The following TCF7L2 variants were observed in gnomAD, a reference collection of about 807,000 sequenced individuals.
TCF7L2 encodes the protein transcription factor 7-like 2.
Under a neutral mutation model 77.9 loss-of-function variants are expected in TCF7L2, and 23 were observed. That is an observed-to-expected ratio of 0.30 (90% CI 0.21 to 0.42). The LOEUF is 0.42. Ranked by LOEUF, TCF7L2 falls within the 10% of genes least tolerant of loss-of-function variation. The pLI is 1.00. For synonymous variants in TCF7L2, 413 were observed against 340.2 expected (o/e 1.21, Z -2.36); for missense variants, 654 against 793.1 (o/e 0.82, Z 2.11).
At chr10:113,068,563 A>G (rs2057546431) in intron 5 of TCF7L2, among the ~76,000 whole-genome samples, 1 of 152,158 alleles carries the variant, frequency 6.6e-6, no homozygotes, top group African/African-American at 2.4e-5. Flanking sequence ...CAGAATTCAC[A>G]GCACCAGAGT....
At chr10:112,998,844 T>C (rs1314060525) in intron 4 of TCF7L2, among the ~76,000 whole-genome samples, 3 of 152,216 alleles carry the variant, frequency 2.0e-5, no homozygotes, top group African/African-American at 7.2e-5. Context: ...TGTAATGCTT[T>C]TGCATGTCTT....
At position 112,950,505 on chromosome 10, in the gene TCF7L2, A is replaced by G; in HGVS notation, c.-252A>G. 1 of 327,424 alleles carries G rather than the reference A, an allele frequency of 3.1e-6. No homozygotes were observed. Among genetic ancestry groups the G allele is most frequent in the Non-Finnish European group, 5.3e-6 (1 of 188,996 alleles). The allele number at this position is 327,424 out of a possible 1,614,324, so 20.3% of individuals were successfully genotyped here. On this transcript the variant is annotated 5_prime_UTR_variant, in exon 1 of 14. Coordinates refer to ENST00000627217, the MANE Select transcript of TCF7L2 (RefSeq NM_001146274.2). ...TATTATTTTTTTGCACATTGATCGG[A>G]TCCTTGGGAACGAGAGAAAAAAGAA...
At chr10:113,139,209 A>G (rs1374280234) in intron 5 of TCF7L2, among the ~76,000 whole-genome samples, 4 of 152,218 alleles carry the variant, frequency 2.6e-5, no homozygotes, top group Admixed American at 6.5e-5. Flanking sequence ...GAAGGCAGCA[A>G]CAGTCATTTG....
At chr10:113,045,662 G>A (rs1023832531) in intron 5 of TCF7L2, among the ~76,000 whole-genome samples, 4 of 152,166 alleles carry the variant, frequency 2.6e-5, no homozygotes, top group Admixed American at 6.5e-5. Flanking sequence ...GAGGGCCAGC[G>A]TATTTTCTGC....
intron 3 of TCF7L2, among the ~76,000 whole-genome samples, chr10:112,962,902 G>A (rs570275685): frequency 7.9e-5 from 12 of 152,260 alleles, no homozygotes; most frequent in African/African-American, 1.2e-4. Flanking sequence ...CCCTGCCAGC[G>A]GTTCACTTCA....
chr10:113,129,113 C>T (rs2066137974), intron 5 of TCF7L2: 2 of 163,242 alleles, frequency 1.2e-5, no homozygotes, highest in South Asian at 3.9e-4. Context: ...CATTCTGTTA[C>T]TCTGGAAGGA....
intron 5 of TCF7L2, among the ~76,000 whole-genome samples, chr10:113,085,305 A>G (rs144806148): frequency 0.011 from 1,615 of 151,772 alleles, 29 homozygotes; most frequent in African/African-American, 0.037. Flanking sequence ...CTTGAGCTCA[A>G]GCAGTCCTCC....
At chr10:112,987,944 C>T (rs1039537376) in intron 4 of TCF7L2, 28 of 146,700 alleles carry the variant, frequency 1.9e-4, no homozygotes, top group African/African-American at 6.8e-4. Flanking sequence ...GGAAAAAAAA[C>T]GCACCAGAGA....
intron 5 of TCF7L2, among the ~76,000 whole-genome samples, chr10:113,117,459 T>A (rs148058454): frequency 2.9e-5 from 3 of 104,106 alleles, no homozygotes; most frequent in Admixed American, 1.3e-4. Context: ...CTCTCTCTCT[T>A]CTCCCCCCAA....
intron 4 of TCF7L2, among the ~76,000 whole-genome samples, chr10:112,974,732 C>T (rs1034055437): frequency 4.6e-5 from 7 of 152,142 alleles, no homozygotes; most frequent in African/African-American, 9.7e-5. Context: ...CATGAACCAC[C>T]GCGCCCGGCT....
rs762968292 is a variant in TCF7L2 at position 112,951,601 on chromosome 10, C to T, written c.375C>T (p.Ala125=). The change falls in exon 3 of 14, where the codon GCC becomes GCT. Residue 125 remains alanine, a synonymous_variant. Transcript: ENST00000627217. ...CCAACGGATCGCTCTCGCCCACCGCCCGAACCGTAAGTGCCTCCGCGCCCG... is the reference window on the plus strand; with the variant it reads ...CCAACGGATCGCTCTCGCCCACCGCTCGAACCGTAAGTGCCTCCGCGCCCG... The T allele has an allele frequency of 2.3e-6, 3 of 1,312,228 alleles. No individual in the cohort carries two copies. The highest frequency in any genetic ancestry group is 4.6e-5 in the Admixed American group (2 of 43,086). 81.3% of individuals were successfully genotyped at this position (1,312,228 alleles called of 1,614,324 possible). A position where few individuals can be genotyped will look rare whatever the true frequency, so the allele number is the denominator to read the frequency against.
At chr10:112,961,397 G>A (rs1418823832) in intron 3 of TCF7L2, among the ~76,000 whole-genome samples, 3 of 152,074 alleles carry the variant, frequency 2.0e-5, no homozygotes, top group African/African-American at 7.2e-5. Context: ...ATATTCCAAA[G>A]CACACAAATG....
intron 3 of TCF7L2, among the ~76,000 whole-genome samples, chr10:112,958,413 A>C (rs1369613977): frequency 6.6e-6 from 1 of 152,086 alleles, no homozygotes; most frequent in East Asian, 1.9e-4. Context: ...GGTCTGCCAG[A>C]AGAAGTAATG....
chr10:112,966,209 T>TATATATA lies in TCF7L2; in HGVS notation c.450+1587_450+1588insATATAAT, dbSNP rs1305413204. The stretch of plus-strand genomic sequence containing the variant: ...TTATATATATATATATATATATATA[T>TATATATA]ATTTTCTTTTCTTGATTACTTCTGC... On this transcript the variant is annotated intron_variant, in intron 4 of 13. Transcript: ENST00000627217. 4.9e-4 allele frequency among the ~76,000 whole-genome samples: 65 copies of TATATATA among 131,486 alleles called. 4 individuals carry two copies. Among genetic ancestry groups the TATATATA allele is most frequent in the Admixed American group, 2.3e-3 (31 of 13,626 alleles). 86.3% of individuals were successfully genotyped at this position (131,486 alleles called of 152,430 possible).
chr10:112,967,762 A>C (rs1006354933), intron 4 of TCF7L2, among the ~76,000 whole-genome samples: 1 of 151,294 alleles, frequency 6.6e-6, no homozygotes, highest in Non-Finnish European at 1.5e-5. Context: ...CAGCCTCCCG[A>C]GTAGCTGGGA....
chr10:113,081,176 C>G (rs1037047151), intron 5 of TCF7L2, among the ~76,000 whole-genome samples: 6 of 152,146 alleles, frequency 3.9e-5, no homozygotes, highest in Admixed American at 2.6e-4. Context: ...TGCTAACGTT[C>G]TTTTTGTAAG....
At chr10:113,022,029 T>C (rs2048337279) in intron 4 of TCF7L2, among the ~76,000 whole-genome samples, 1 of 152,216 alleles carries the variant, frequency 6.6e-6, no homozygotes, top group South Asian at 2.1e-4. Flanking sequence ...TTAAATCTTA[T>C]TGACATCTCT....
At chr10:113,126,848 G>A (rs2065709670) in intron 5 of TCF7L2, 1 of 987,394 alleles carries the variant, frequency 1.0e-6, no homozygotes, top group East Asian at 1.1e-4. Flanking sequence ...CGAGCCGGCA[G>A]CGGGAAGGAC....
At position 113,129,908 on chromosome 10, in the gene TCF7L2, G is replaced by C. The variant is rs1462928769; in HGVS notation, c.553-11276G>C. On this transcript the variant is annotated intron_variant, in intron 5 of 13. Coordinates refer to ENST00000627217, the MANE Select transcript of TCF7L2 (RefSeq NM_001146274.2). ...ATTTTAGTGGGAATGGAAGATTTGA[G>C]TGGTAAGGGAGGCGCAGTGGCCTCC... 1 of 1,293,704 alleles carries C rather than the reference G, an allele frequency of 7.7e-7. No homozygotes were observed. The highest frequency in any genetic ancestry group is 1.5e-5 in the African/African-American group (1 of 66,170). The allele number at this position is 1,293,704 out of a possible 1,614,324, so 80.1% of individuals were successfully genotyped here. A position where few individuals can be genotyped will look rare whatever the true frequency, so the allele number is the denominator to read the frequency against.
Sources: gnomAD v4.1 joint callset for allele counts (sites outside exome capture counted in the v4.1 genomes callset) on GRCh38, gnomAD v4.1.1 for gene constraint, MANE v1.5 for transcripts, NCBI Gene and HGNC (gene_info 2026-07-23, HGNC 2026-07-21) for gene names.